The following PCDHGB3 variants were observed in gnomAD, a reference collection of about 807,000 sequenced individuals.
PCDHGB3 encodes protocadherin gamma-B3.
In PCDHGB3, 40 loss-of-function variants were observed where a neutral mutation model predicts 59.2. The observed-to-expected ratio is 0.68, with a 90% confidence interval of 0.52 to 0.88. The LOEUF is 0.88. PCDHGB3 is among the 40% of genes least tolerant of loss of function. The pLI, the probability that PCDHGB3 is intolerant of heterozygous loss-of-function variation, is 0.00. For synonymous variants in PCDHGB3, 581 were observed against 503.6 expected, an observed-to-expected ratio of 1.15 and a Z score of -2.06; for missense variants, 1,309 against 1,187.9, an observed-to-expected ratio of 1.10 and a Z score of -1.50.
rs530054362 is a variant in PCDHGB3 at position 141,486,066 on chromosome 5, C to G, written c.2416-8741C>G. ...AGAAACCTCTTTAGCCTGCACCCCACTACTGGAAAGCTTACTCTTTTGGGG... is the reference window on the plus strand; with the variant it reads ...AGAAACCTCTTTAGCCTGCACCCCAGTACTGGAAAGCTTACTCTTTTGGGG... On this transcript the variant is annotated intron_variant, in intron 1 of 3. Coordinates refer to ENST00000576222, the MANE Select transcript of PCDHGB3 (RefSeq NM_018924.5). This position sits in a 1 kb window ranked among gnomAD's most constrained non-coding sequence, Gnocchi z 5.0. The G allele has an allele frequency of 3.1e-6, 5 of 1,614,166 alleles. No homozygotes were observed. In the African/African-American group the frequency reaches 5.3e-5, roughly 17 times the overall value.
chr5:141,408,372 G>A, intron 1 of PCDHGB3: 2 of 1,614,024 alleles, frequency 1.2e-6, no homozygotes, highest in African/African-American at 1.3e-5. Flanking sequence ...CTAGGGCTCA[G>A]TGTCCTGGAT....
intron 1 of PCDHGB3, among the ~76,000 whole-genome samples, chr5:141,469,345 G>A (rs2099197832): frequency 6.6e-6 from 1 of 152,128 alleles, no homozygotes; most frequent in Non-Finnish European, 1.5e-5. Context: ...GGGAGGCTGA[G>A]GTGGATGGAT....
chr5:141,414,517 G>C, intron 1 of PCDHGB3: 1 of 1,613,964 alleles, frequency 6.2e-7, no homozygotes, highest in South Asian at 1.1e-5. Context: ...ACAAGTGGCA[G>C]ATATCAATGA....
intron 1 of PCDHGB3, among the ~76,000 whole-genome samples, chr5:141,444,150 GGAT>G (rs2098419400): frequency 8.8e-6 from 1 of 114,014 alleles, no homozygotes; most frequent in African/African-American, 3.4e-5. Context: ...TGTGTGTACT[GGAT>G]TTTTTTTTTT....
In PCDHGB3 at chr5:141,374,128, G is replaced by T. The variant is rs376765941; in HGVS notation, c.2415+1319G>T. Reference sequence around the variant, plus strand: ...ATCCGCAGCGCAGCGAGCAGGTCCTGCTCCTCACGCTCCTGGGGACGCTGT... The same window carrying T: ...ATCCGCAGCGCAGCGAGCAGGTCCTTCTCCTCACGCTCCTGGGGACGCTGT... On this transcript the variant is annotated intron_variant, in intron 1 of 3. Coordinates refer to ENST00000576222, the MANE Select transcript of PCDHGB3 (RefSeq NM_018924.5). The T allele has an allele frequency of 4.4e-6, 7 of 1,603,372 alleles. No homozygotes were observed. The African/African-American group carries it at 8.0e-5, about 18-fold the overall frequency.
At chr5:141,422,013 G>A (rs755656791) in intron 1 of PCDHGB3, 1 of 1,610,536 alleles carries the variant, frequency 6.2e-7, no homozygotes. Context: ...GAACTCGGGT[G>A]CTGATGGTTA....
intron 1 of PCDHGB3, chr5:141,403,602 G>A (rs761454619): frequency 5.0e-6 from 8 of 1,613,800 alleles, no homozygotes; most frequent in Non-Finnish European, 5.9e-6. Context: ...GCCTCGGATG[G>A]CGGCGAGCCG....
intron 1 of PCDHGB3, chr5:141,413,621 A>G (rs369411784): frequency 1.0e-4 from 161 of 1,613,784 alleles, no homozygotes; most frequent in Admixed American, 1.5e-4. Flanking sequence ...ATTAATGAAA[A>G]TGTCGCTGCG....
chr5:141,431,424 G>T lies in PCDHGB3; in HGVS notation c.2415+58615G>T, dbSNP rs747132868. 6.8e-6 allele frequency: 11 copies of T among 1,613,676 alleles called. No homozygotes were observed. The highest frequency in any genetic ancestry group is 5.9e-6 in the Non-Finnish European group (7 of 1,180,028). On this transcript the variant is annotated intron_variant, in intron 1 of 3. Coordinates refer to ENST00000576222, the MANE Select transcript of PCDHGB3 (RefSeq NM_018924.5). The surrounding 1 kb of genome is among the most constrained non-coding windows in gnomAD (Gnocchi z 4.8). ...GCCTCCGACGGGGGCGACCCGGTGC[G>T]CACAGGCACCGCGCGCATCCGCGTG...
In PCDHGB3 at chr5:141,448,771, T is replaced by C. The variant is rs564309379; in HGVS notation, c.2416-46036T>C. Among the ~76,000 whole-genome samples the C allele has an allele frequency of 6.6e-4, 100 of 151,738 alleles. 1 individual carries two copies. The highest frequency in any genetic ancestry group is 6.8e-3 in the Middle Eastern group (2 of 294). On this transcript the variant is annotated intron_variant, in intron 1 of 3. Coordinates refer to ENST00000576222, the MANE Select transcript of PCDHGB3 (RefSeq NM_018924.5). ...CTGGCTAACACGGTGAAACCCCGTCTGTACTAAAAATACAAAAAAAAAAAT... is the reference window on the plus strand; with the variant it reads ...CTGGCTAACACGGTGAAACCCCGTCCGTACTAAAAATACAAAAAAAAAAAT...
chr5:141,401,819 G>A (rs2094196222), intron 1 of PCDHGB3, among the ~76,000 whole-genome samples: 3 of 152,280 alleles, frequency 2.0e-5, no homozygotes, highest in Middle Eastern at 3.4e-3. Flanking sequence ...TCCTTACAAA[G>A]TGCTGAGATT....
At chr5:141,478,425 A>G (rs1454100826) in intron 1 of PCDHGB3, 1 of 1,613,542 alleles carries the variant, frequency 6.2e-7, no homozygotes, top group African/African-American at 1.3e-5. Context: ...CGCCGCAGCG[A>G]CCCGCTGCTG....
intron 1 of PCDHGB3, chr5:141,394,070 T>C: frequency 6.2e-7 from 1 of 1,613,848 alleles, no homozygotes; most frequent in Non-Finnish European, 8.5e-7. Context: ...CTATCTACAA[T>C]ATCACAGTGA....
At chr5:141,427,890 G>A in intron 1 of PCDHGB3, 1 of 1,566,844 alleles carries the variant, frequency 6.4e-7, no homozygotes, top group Non-Finnish European at 8.7e-7. Flanking sequence ...CCACGACCAG[G>A]GCTCGCCCGC....
In PCDHGB3 at chr5:141,418,521, C is replaced by G. The variant is rs1246716171; in HGVS notation, c.2415+45712C>G. The G allele has an allele frequency of 3.7e-6, 6 of 1,613,840 alleles. No individual in the cohort carries two copies. The Admixed American group carries it at 1.0e-4, about 27-fold the overall frequency. On this transcript the variant is annotated intron_variant, in intron 1 of 3. Coordinates refer to ENST00000576222, the MANE Select transcript of PCDHGB3 (RefSeq NM_018924.5). ...ACCGCCTTAGATGGTGGGGACCCTC[C>G]CCGAAGCGGTACTGCTCAGATAAGA...
chr5:141,469,753 T>C (rs564585597), intron 1 of PCDHGB3, among the ~76,000 whole-genome samples: 1 of 152,322 alleles, frequency 6.6e-6, no homozygotes, highest in East Asian at 1.9e-4. Flanking sequence ...ATTACAAAAA[T>C]ACATATATAC....
chr5:141,501,412 T>C (rs1479005426), intron 2 of PCDHGB3, among the ~76,000 whole-genome samples: 7 of 151,550 alleles, frequency 4.6e-5, no homozygotes, highest in African/African-American at 1.7e-4. Context: ...GCTTGGAAAA[T>C]AGTTGACTAA....
intron 1 of PCDHGB3, among the ~76,000 whole-genome samples, chr5:141,387,047 TTGTGTAA>T (rs1005909383): frequency 1.3e-4 from 20 of 152,186 alleles, no homozygotes; most frequent in African/African-American, 4.8e-4. Flanking sequence ...AGTAAAATAA[TTGTGTAA>T]TGAGGAGAGG....
In PCDHGB3 at chr5:141,476,182, G is replaced by A. The variant is rs369561139; in HGVS notation, c.2416-18625G>A. On this transcript the variant is annotated intron_variant, in intron 1 of 3. Coordinates refer to ENST00000576222, the MANE Select transcript of PCDHGB3 (RefSeq NM_018924.5). This position sits in a 1 kb window ranked among gnomAD's most constrained non-coding sequence, Gnocchi z 7.6. ...GGAGGGTAGTGGGAGTTTTGCTTCT[G>A]CTTGGTGCCTTGAACAAGGCTTCCA... 5 of 1,613,554 alleles carry A rather than the reference G, an allele frequency of 3.1e-6. No homozygotes were observed. Among genetic ancestry groups the A allele is most frequent in the Admixed American group, 1.7e-5 (1 of 59,996 alleles).
Sources: gnomAD v4.1 joint callset for allele counts (sites outside exome capture counted in the v4.1 genomes callset) on GRCh38, gnomAD v4.1.1 for gene constraint, Gnocchi (gnomAD v3.1) non-coding constraint, MANE v1.5 for transcripts, NCBI Gene and HGNC (gene_info 2026-07-23, HGNC 2026-07-21) for gene names.